The following PKD1L1 variants were observed in gnomAD, a reference collection of about 807,000 sequenced individuals.
PKD1L1 encodes the protein polycystin 1 like 1, transient receptor potential channel interacting.
A neutral mutation model predicts 323.4 loss-of-function variants in PKD1L1; 236 were observed. The ratio of observed to expected loss-of-function variants is 0.73; its 90% CI spans 0.66 to 0.81. The LOEUF (loss-of-function observed/expected upper bound fraction) is 0.81, where lower values mean the gene tolerates loss of function less well. Among genes scored for constraint, PKD1L1 ranks in the 40% least tolerant of loss-of-function variants. The pLI is 0.00. For missense variants in PKD1L1, 3,320 were observed against 3,508.0 expected, an observed-to-expected ratio of 0.95 and a Z score of 1.35; for synonymous variants, 1,344 against 1,335.0, an observed-to-expected ratio of 1.01 and a Z score of -0.15.
intron 37 of PKD1L1, among the ~76,000 whole-genome samples, chr7:47,836,204 T>C (rs559677341): frequency 6.6e-6 from 1 of 152,290 alleles, no homozygotes; most frequent in South Asian, 2.1e-4. Context: ...ATCTCTCTGA[T>C]ACCTGGTGTC....
At position 47,887,991 on chromosome 7, in the gene PKD1L1, T is replaced by A; in HGVS notation, c.2835A>T (p.Glu945Asp). 1 of 1,610,658 alleles carries A rather than the reference T, an allele frequency of 6.2e-7. No homozygotes were observed. Among genetic ancestry groups the A allele is most frequent in the Non-Finnish European group, 8.5e-7 (1 of 1,178,274 alleles). Residue 945 changes from glutamate (E) to aspartate (D), a missense_variant and splice_region_variant, in exon 17 of 57, where the codon GAA becomes GAT. By Grantham distance (45) the Glu-to-Asp change is conservative. Transcript: ENST00000289672. ...LVNATEKNRIEVPFCRVVGLL... is the reference protein window; with the variant it reads ...LVNATEKNRIDVPFCRVVGLL... ...AATAAAGCTATTAATCCTTTTTACCTTCTATCCTATTCTTTTCTGTTGCAT... is the reference window on the plus strand; with the variant it reads ...AATAAAGCTATTAATCCTTTTTACCATCTATCCTATTCTTTTCTGTTGCAT...
intron 16 of PKD1L1, 78 bp from the exon 17 acceptor site, chr7:47,888,228 T>C (rs1241779099): frequency 4.2e-6 from 6 of 1,420,856 alleles, no homozygotes; most frequent in Non-Finnish European, 4.9e-6. Flanking sequence ...ATGTTAGGCA[T>C]GTTTAAATCA....
intron 7 of PKD1L1, among the ~76,000 whole-genome samples, chr7:47,920,372 G>T (rs1331821389): frequency 6.7e-6 from 1 of 148,584 alleles, no homozygotes; most frequent in Admixed American, 6.7e-5. Flanking sequence ...CTATAAAAGA[G>T]TGCTGAAAAA....
intron 19 of PKD1L1, among the ~76,000 whole-genome samples, chr7:47,882,391 G>A (rs1786579785): frequency 6.6e-6 from 1 of 151,474 alleles, no homozygotes; most frequent in Admixed American, 6.6e-5. Context: ...GACACAGCGT[G>A]AACCAGATCA....
chr7:47,865,737 C>T (rs901808715), intron 25 of PKD1L1, among the ~76,000 whole-genome samples: 30 of 150,378 alleles, frequency 2.0e-4, no homozygotes, highest in African/African-American at 7.2e-4. Flanking sequence ...ACGCGCCTGC[C>T]ACCACACCTG....
In PKD1L1 at chr7:47,800,874, C is replaced by CA; in HGVS notation, c.7967dup (p.Ala2658GlyfsTer52). ...AGAGGGCGGCCAGCATCAGTGCCCC[C>CA]ACCAGCTGCAGAAAGAAAATCCAGA... On this transcript the variant is annotated frameshift_variant, in exon 54 of 57. Transcript: ENST00000289672. LOFTEE classifies it high-confidence loss of function. 3.1e-6 allele frequency: 5 copies of CA among 1,613,694 alleles called. No homozygotes were observed. The highest frequency in any genetic ancestry group is 4.2e-6 in the Non-Finnish European group (5 of 1,179,706).
At chr7:47,936,703 T>C in intron 4 of PKD1L1, 143 bp downstream of exon 4, 1 of 628,504 alleles carries the variant, frequency 1.6e-6, no homozygotes, top group Non-Finnish European at 2.8e-6. Flanking sequence ...CTTTTTTCCA[T>C]CAATTTAAGA....
At chr7:47,945,392 G>A (rs1469361373) in intron 1 of PKD1L1, among the ~76,000 whole-genome samples, 5 of 152,128 alleles carry the variant, frequency 3.3e-5, no homozygotes, top group Non-Finnish European at 5.9e-5. Context: ...CCAAGAAGCC[G>A]CCACCAGAGG....
chr7:47,904,461 G>A lies in PKD1L1; in HGVS notation c.1848C>T (p.Phe616=), dbSNP rs747620748. 6 of 1,614,154 alleles carry A rather than the reference G, an allele frequency of 3.7e-6. No individual in the cohort carries two copies. The highest frequency in any genetic ancestry group is 1.1e-5 in the South Asian group (1 of 91,078). ...CCCACAGGTAGGCAACATCTGTGCC[G>A]AAGTTGATCCAGCACTCAAAGGCCA... The part of the protein sequence containing the change: ...ASVAFECWIN[F]GTDVAYLWDF... The change falls in exon 12 of 57, where the codon TTC becomes TTT. Residue 616 remains phenylalanine, a synonymous_variant. Transcript: ENST00000289672.
Position 47,803,348 on chromosome 7 carries a change from A to G in PKD1L1, c.7828-4T>C. The G allele has an allele frequency of 1.2e-6, 2 of 1,613,572 alleles. No individual in the cohort carries two copies. The highest frequency in any genetic ancestry group is 1.7e-6 in the Non-Finnish European group (2 of 1,179,938). On this transcript the variant is annotated splice_region_variant and splice_polypyrimidine_tract_variant and intron_variant, in intron 52 of 56. Coordinates refer to ENST00000289672, the MANE Select transcript of PKD1L1 (RefSeq NM_138295.5). The stretch of plus-strand genomic sequence containing the variant: ...TTCCCCGGAGCCATCGAGCCCTCTG[A>G]GACAGAAGAACATAACAGTCAGTGT...
chr7:47,853,020 A>G lies in PKD1L1; in HGVS notation c.4960+107T>C, dbSNP rs1216733459. 10 of 765,950 alleles carry G rather than the reference A, an allele frequency of 1.3e-5. No homozygotes were observed. The East Asian group carries it at 2.2e-4, about 17-fold the overall frequency. The allele number at this position is 765,950 out of a possible 1,614,324, so 47.4% of individuals were successfully genotyped here. On this transcript the variant is annotated intron_variant, in intron 31 of 56. Coordinates refer to ENST00000289672, the MANE Select transcript of PKD1L1 (RefSeq NM_138295.5). ...ATAAGCAAGCAGAGAAAGGATTCTG[A>G]TGTTTTTGTCATGAATAAAGAAAAA... is the stretch of plus-strand genomic sequence containing the variant.
intron 49 of PKD1L1, among the ~76,000 whole-genome samples, chr7:47,812,467 C>T (rs1409506232): frequency 6.6e-6 from 1 of 152,118 alleles, no homozygotes; most frequent in African/African-American, 2.4e-5. Context: ...AATACTAACT[C>T]GTATTTAGTA....
the PKD1L1 span, chr7:47,956,794 A>T: frequency 6.5e-6 from 1 of 153,968 alleles, no homozygotes; most frequent in African/African-American, 2.4e-5. Context: ...CCTGGTAAAA[A>T]TAACTCAGGA....
chr7:47,868,058 C>G (rs1786203900), intron 24 of PKD1L1, among the ~76,000 whole-genome samples: 1 of 152,176 alleles, frequency 6.6e-6, no homozygotes, highest in Non-Finnish European at 1.5e-5. Context: ...CCATAACACA[C>G]AGAAATATAA....
chr7:47,781,404 G>GTTT (rs1370272679), intron 56 of PKD1L1, among the ~76,000 whole-genome samples: 2 of 70,706 alleles, frequency 2.8e-5, no homozygotes, highest in Admixed American at 1.7e-4. Context: ...TTTTTGTTTT[G>GTTT]TTTTGTTTTT....
At chr7:47,931,884 T>A in intron 5 of PKD1L1, 52 bp downstream of exon 5, 3 of 1,578,192 alleles carry the variant, frequency 1.9e-6, no homozygotes, top group Non-Finnish European at 2.6e-6. Context: ...ATGCATCAGA[T>A]GCTCACCAGC....
At chr7:47,880,284 A>ACATATATATATATATATATATAT (rs1786519820) in intron 21 of PKD1L1, among the ~76,000 whole-genome samples, 1 of 56,818 alleles carries the variant, frequency 1.8e-5, no homozygotes, top group African/African-American at 1.1e-4. Flanking sequence ...ATATATATAT[A>ACATATATATATATATATATATAT]TTTTTTTTTT....
chr7:47,904,810 C>G (rs1787168017), intron 11 of PKD1L1, among the ~76,000 whole-genome samples, 193 bp from the exon 12 acceptor site: 1 of 151,938 alleles, frequency 6.6e-6, no homozygotes, highest in African/African-American at 2.4e-5. Context: ...TTTTGACTAC[C>G]CCCCTCTTCA....
chr7:47,847,072 CT>C lies in PKD1L1; in HGVS notation c.4961-2del. The C allele has an allele frequency of 6.4e-7, 1 of 1,559,264 alleles. No homozygotes were observed. Among genetic ancestry groups the C allele is most frequent in the African/African-American group, 1.4e-5 (1 of 72,010 alleles). On this transcript the variant is annotated splice_acceptor_variant, in intron 31 of 56. Transcript: ENST00000289672. LOFTEE classifies it high-confidence loss of function. ...AAGGATAAATAGCCTACACTGGCAT[CT>C]AAAAAGAGAAAACATAAATAAAAAG...
Sources: gnomAD v4.1 joint callset for allele counts (sites outside exome capture counted in the v4.1 genomes callset) on GRCh38, gnomAD v4.1.1 for gene constraint, MANE v1.5 for transcripts, NCBI Gene and HGNC (gene_info 2026-07-23, HGNC 2026-07-21) for gene names.